Variants in DNAH10 observed in about 807,000 individuals in gnomAD.
The protein encoded by DNAH10 is dynein axonemal heavy chain 10.
In DNAH10, 348 loss-of-function variants were observed where a neutral mutation model predicts 506.6. The ratio of observed to expected loss-of-function variants is 0.69; its 90% CI spans 0.63 to 0.75. The LOEUF (loss-of-function observed/expected upper bound fraction) is 0.75, where lower values mean the gene tolerates loss of function less well. Ranked by LOEUF, DNAH10 falls within the 30% of genes least tolerant of loss-of-function variation. DNAH10 has a pLI of 0.00. For missense variants in DNAH10, 5,179 were observed against 5,787.1 expected, an observed-to-expected ratio of 0.89 and a Z score of 3.41; for synonymous variants, 2,059 against 2,198.6, an observed-to-expected ratio of 0.94 and a Z score of 1.78.
At position 123,919,150 on chromosome 12, in the gene DNAH10, A is replaced by G. The variant is rs976053789; in HGVS notation, c.11506+201A>G. On this transcript the variant is annotated intron_variant, in intron 65 of 78. Transcript: ENST00000673944. This position sits in a 1 kb window ranked among gnomAD's most constrained non-coding sequence, Gnocchi z 4.9. ...GAATGCAGTGGTGCGATCACGGCTC[A>G]CTGCAACCTCCACCTCCCAGGCTCA... 3 of 594,374 alleles carry G rather than the reference A, an allele frequency of 5.0e-6. No individual in the cohort carries two copies. The highest frequency in any genetic ancestry group is 8.1e-6 in the Non-Finnish European group (3 of 371,542). The allele number at this position is 594,374 out of a possible 1,614,324, so 36.8% of individuals were successfully genotyped here. A position where few individuals can be genotyped will look rare whatever the true frequency, so the allele number is the denominator to read the frequency against.
chr12:123,859,706 C>T (rs571431805), intron 38 of DNAH10, among the ~76,000 whole-genome samples: 3 of 152,080 alleles, frequency 2.0e-5, no homozygotes, highest in South Asian at 4.2e-4. Context: ...CAATTCTTCA[C>T]GAAGGAAAAA....
chr12:123,875,524 A>T, intron 47 of DNAH10, 33 bp downstream of exon 47: 1 of 1,610,792 alleles, frequency 6.2e-7, no homozygotes, highest in Middle Eastern at 1.7e-4. Flanking sequence ...TCTAAACCGG[A>T]AGACCTTGTG....
Position 123,850,908 on chromosome 12 carries a change from C to G in DNAH10, c.6123C>G (p.Ser2041=). ...TCCAGTTTGAAGGGCAGGAGATTTCCCTGGACTCCCGCATGGGCATCTTCA... is the reference window on the plus strand; with the variant it reads ...TCCAGTTTGAAGGGCAGGAGATTTCGCTGGACTCCCGCATGGGCATCTTCA... ...TTFQFEGQEI[S]LDSRMGIFIT... is the part of the protein sequence containing the mutation. The change falls in exon 35 of 79, where the codon TCC becomes TCG. Residue 2041 remains serine, a synonymous_variant. Transcript: ENST00000673944. This position sits in a 1 kb window ranked among gnomAD's most constrained non-coding sequence, Gnocchi z 5.5. The G allele has an allele frequency of 6.2e-7, 1 of 1,612,820 alleles. No homozygotes were observed. Among genetic ancestry groups the G allele is most frequent in the Non-Finnish European group, 8.5e-7 (1 of 1,179,272 alleles).
Position 123,903,919 on chromosome 12 carries a change from C to T in DNAH10, c.9815+806C>T, listed in dbSNP as rs1953651930. On this transcript the variant is annotated intron_variant, in intron 57 of 78. Transcript: ENST00000673944. The surrounding 1 kb of genome is among the most constrained non-coding windows in gnomAD (Gnocchi z 4.6). ...AGAAGGAGATCAGTCTTCCTGGCCCCACACACGGGTCTCGCAGCCGAGAGG... is the reference window on the plus strand; with the variant it reads ...AGAAGGAGATCAGTCTTCCTGGCCCTACACACGGGTCTCGCAGCCGAGAGG... Among the ~76,000 whole-genome samples, 1 of 152,188 alleles carries T rather than the reference C, an allele frequency of 6.6e-6. No homozygotes were observed. The highest frequency in any genetic ancestry group is 2.4e-5 in the African/African-American group (1 of 41,444).
In DNAH10 at chr12:123,789,927, A is replaced by T. The variant is rs10846559; in HGVS notation, c.1621A>T (p.Ile541Phe). ...CTCATTGTTCCGTTTGATTGGACAG[A>T]TTTTGGAGGAATTTTATAACATATT... ...ICQDLSDVLQ[I>F]LEEFYNIFGP... is the part of the protein sequence containing the mutation. Residue 541 changes from isoleucine (I) to phenylalanine (F), a missense_variant and splice_region_variant, in exon 11 of 79, where the codon ATT becomes TTT. Physicochemically the swap from Ile to Phe is conservative, Grantham distance 21. Coordinates refer to ENST00000673944, the MANE Select transcript of DNAH10 (RefSeq NM_001372106.1). The T allele has an allele frequency of 6.2e-7, 1 of 1,610,616 alleles. No individual in the cohort carries two copies. The highest frequency in any genetic ancestry group is 8.5e-7 in the Non-Finnish European group (1 of 1,177,914).
intron 27 of DNAH10, among the ~76,000 whole-genome samples, chr12:123,834,008 C>T: frequency 6.6e-6 from 1 of 152,158 alleles, no homozygotes; most frequent in East Asian, 1.9e-4. Context: ...CCCCAGACCA[C>T]AGGCAAGCAC....
chr12:123,786,735 T>C (rs2136199117), intron 9 of DNAH10, among the ~76,000 whole-genome samples: 1 of 10,566 alleles, frequency 9.5e-5, no homozygotes, highest in East Asian at 1.6e-3. Flanking sequence ...TCTTCCCCAG[T>C]TGTACCTGGA....
At chr12:123,779,141 G>A (rs185802217) in intron 5 of DNAH10, among the ~76,000 whole-genome samples, 1 of 152,186 alleles carries the variant, frequency 6.6e-6, no homozygotes, top group East Asian at 1.9e-4. Flanking sequence ...CTGACCTCGC[G>A]ATTCACCCGC....
intron 73 of DNAH10, among the ~76,000 whole-genome samples, 193 bp from the exon 74 acceptor site, chr12:123,931,148 G>A (rs1955187175): frequency 6.6e-6 from 1 of 152,084 alleles, no homozygotes; most frequent in Admixed American, 6.5e-5. Flanking sequence ...CCAGGAGGTC[G>A]AGGCTGTAGT....
intron 6 of DNAH10, among the ~76,000 whole-genome samples, chr12:123,781,500 CTG>C (rs1358346498): frequency 6.6e-6 from 1 of 152,056 alleles, no homozygotes; most frequent in African/African-American, 2.4e-5. Flanking sequence ...GAGCCTCACT[CTG>C]TTGCCCAGGC....
At position 123,914,997 on chromosome 12, in the gene DNAH10, C is replaced by A; in HGVS notation, c.10720C>A (p.Arg3574=). 3.7e-6 allele frequency: 6 copies of A among 1,604,494 alleles called. No individual in the cohort carries two copies. The East Asian group carries it at 1.1e-4, about 30-fold the overall frequency. Reference sequence around the variant, plus strand: ...GAGAAAAGAGGAGAAGAACAATCTGCGGGTATGGTGGCTCCTCCCAGGGCG... The same window carrying A: ...GAGAAAAGAGGAGAAGAACAATCTGAGGGTATGGTGGCTCCTCCCAGGGCG... The part of the protein sequence containing the change: ...IKRKEEKNNL[R]VASFNDPDFL... Residue 3574 remains arginine, a splice_region_variant and synonymous_variant, in exon 62 of 79, where the codon CGG becomes AGG. Coordinates refer to ENST00000673944, the MANE Select transcript of DNAH10 (RefSeq NM_001372106.1).
chr12:123,930,833 T>C (rs749360467), intron 73 of DNAH10, among the ~76,000 whole-genome samples: 8 of 152,168 alleles, frequency 5.3e-5, no homozygotes, highest in Non-Finnish European at 1.2e-4. Flanking sequence ...TGAGCCATTT[T>C]CGTAAAAGAT....
intron 61 of DNAH10, 110 bp from the exon 62 acceptor site, chr12:123,914,742 G>C (rs949357773): frequency 1.4e-6 from 2 of 1,470,506 alleles, no homozygotes; most frequent in African/African-American, 2.8e-5. Flanking sequence ...GAGGAGGCTT[G>C]TGTGGCCTGG....
intron 51 of DNAH10, among the ~76,000 whole-genome samples, chr12:123,886,032 A>G (rs1190960486): frequency 1.3e-5 from 2 of 152,228 alleles, no homozygotes; most frequent in Non-Finnish European, 2.9e-5. Context: ...GGAAAAACTA[A>G]TATGCTTGAT....
intron 18 of DNAH10, among the ~76,000 whole-genome samples, chr12:123,805,658 A>G (rs1002315398): frequency 6.6e-6 from 1 of 151,890 alleles, no homozygotes; most frequent in Admixed American, 6.6e-5. Flanking sequence ...TCACGTCTAT[A>G]TTGTCAAGAG....
intron 32 of DNAH10, among the ~76,000 whole-genome samples, chr12:123,847,207 C>T (rs1465889900): frequency 4.0e-5 from 6 of 148,924 alleles, no homozygotes; most frequent in Non-Finnish European, 8.9e-5. Flanking sequence ...TCTATCCATC[C>T]ATCCATCCTA....
intron 5 of DNAH10, among the ~76,000 whole-genome samples, chr12:123,777,143 C>T (rs1239176756): frequency 6.6e-6 from 1 of 152,192 alleles, no homozygotes; most frequent in African/African-American, 2.4e-5. Context: ...CCCTCAGTTT[C>T]TGTTCTTACC....
At chr12:123,924,978 A>G (rs1408385865) in intron 67 of DNAH10, 72 bp from the exon 68 acceptor site, 1 of 1,577,592 alleles carries the variant, frequency 6.3e-7, no homozygotes. Flanking sequence ...GGCTTTTGCC[A>G]CCTTCACACA....
rs1029343910 is a variant in DNAH10, at chr12:123,853,533, T to C, written c.6438+181T>C. 6.6e-6 allele frequency among the ~76,000 whole-genome samples: 1 copy of C among 152,198 alleles called. No homozygotes were observed. Among genetic ancestry groups the C allele is most frequent in the Non-Finnish European group, 1.5e-5 (1 of 68,032 alleles). On this transcript the variant is annotated intron_variant, in intron 36 of 78. Transcript: ENST00000673944. The surrounding 1 kb of genome is among the most constrained non-coding windows in gnomAD (Gnocchi z 4.7). ...ACCTGTTGTATCGTTTGCTTGTAAT[T>C]ACACTTAGTACCTTAAGGTCAAGTG...
Sources: allele counts gnomAD v4.1 joint callset (sites outside exome capture counted in the v4.1 genomes callset), GRCh38; gene constraint gnomAD v4.1.1; non-coding constraint Gnocchi (gnomAD v3.1); transcripts MANE v1.5; gene names NCBI Gene and HGNC (gene_info 2026-07-23, HGNC 2026-07-21).